Variants in ATRIP observed in about 807,000 individuals in gnomAD.
ATRIP encodes the protein ATR interacting protein, also known as ATR-interacting protein.
A neutral mutation model predicts 78.1 loss-of-function variants in ATRIP; 44 were observed. That is an observed-to-expected ratio of 0.56 (90% confidence interval 0.44 to 0.72). The LOEUF (loss-of-function observed/expected upper bound fraction) is 0.72, where lower values mean the gene tolerates loss of function less well. Among genes scored for constraint, ATRIP ranks in the 30% least tolerant of loss-of-function variants. ATRIP has a pLI of 0.00. For missense variants in ATRIP, 927 were observed against 980.2 expected, an observed-to-expected ratio of 0.95 and a Z score of 0.72; for synonymous variants, 388 against 408.9, an observed-to-expected ratio of 0.95 and a Z score of 0.62.
intron 7 of ATRIP, 90 bp downstream of exon 7, chr3:48,460,006 G>A: frequency 6.4e-7 from 1 of 1,556,934 alleles, no homozygotes; most frequent in Non-Finnish European, 8.7e-7. Flanking sequence ...AGAAGTCTGT[G>A]GGAAGGGCAG....
rs781221615 is a variant in ATRIP at position 48,467,243 on chromosome 3, G to A, written c.*1689G>A. 2.9e-5 allele frequency: 46 copies of A among 1,613,998 alleles called. 1 individual carries two copies. The South Asian group carries it at 3.8e-4, about 13-fold the overall frequency. On this transcript the variant is annotated 3_prime_UTR_variant, in exon 13 of 13. Transcript: ENST00000320211. ...GGCAGTCCCCTCCAGACTCGCACAC[G>A]GCTGAGGGTGATGTCCTGGCCCTGC... is the stretch of plus-strand genomic sequence containing the variant.
At chr3:48,463,696 G>A (rs1351800176) in intron 8 of ATRIP, 49 bp from the exon 9 acceptor site, 1 of 1,609,598 alleles carries the variant, frequency 6.2e-7, no homozygotes, top group Admixed American at 1.7e-5. Context: ...GGTAGGTTAT[G>A]GAGCTGGGGT....
In ATRIP at chr3:48,447,103, C is replaced by T. The variant is rs1263435015; in HGVS notation, c.247+11C>T. ...CTCGGGACGTGTCCAGTGAGTGCTC[C>T]TCGCGGCCTTTTGCTCGGAGGGAGT... On this transcript the variant is annotated intron_variant, in intron 1 of 12. Coordinates refer to ENST00000320211, the MANE Select transcript of ATRIP (RefSeq NM_130384.3). 2.0e-6 allele frequency: 3 copies of T among 1,508,778 alleles called. No homozygotes were observed. Among genetic ancestry groups the T allele is most frequent in the Middle Eastern group, 1.7e-4 (1 of 5,738 alleles). The allele number at this position is 1,508,778 out of a possible 1,614,324, so 93.5% of individuals were successfully genotyped here.
chr3:48,452,794 TAACCAAAAGC>T (rs1206095714), intron 3 of ATRIP, among the ~76,000 whole-genome samples: 4 of 151,884 alleles, frequency 2.6e-5, no homozygotes, highest in East Asian at 1.9e-4. Context: ...CCAATTGCTA[TAACCAAAAGC>T]AACCAAAAGC....
chr3:48,459,871 C>T lies in ATRIP; in HGVS notation c.1010C>T (p.Ser337Phe). The change falls in exon 7 of 13, where the codon TCT becomes TTT. Residue 337 changes from serine to phenylalanine, a missense_variant. By Grantham distance (155) the Ser-to-Phe change is radical. Transcript: ENST00000320211. ...LSLCHLLSSS[S>F]ESPAGTPLQP... is the part of the protein sequence containing the mutation. The stretch of plus-strand genomic sequence containing the variant: ...CTTTGCCACCTCCTGAGTAGTAGTT[C>T]TGAGTCTCCTGCTGGCACCCCCCTG... 1 of 1,614,064 alleles carries T rather than the reference C, an allele frequency of 6.2e-7. No homozygotes were observed. The highest frequency in any genetic ancestry group is 8.5e-7 in the Non-Finnish European group (1 of 1,179,952).
rs753753009 is a variant in ATRIP, at chr3:48,459,891, C to G, written c.1030C>G (p.Pro344Ala). The G allele has an allele frequency of 6.2e-7, 1 of 1,613,498 alleles. No individual in the cohort carries two copies. Among genetic ancestry groups the G allele is most frequent in the Non-Finnish European group, 8.5e-7 (1 of 1,179,780 alleles). The change falls in exon 7 of 13, where the codon CCC becomes GCC. Residue 344 changes from proline (P) to alanine (A), a missense_variant. By Grantham distance (27) the Pro-to-Ala change is conservative. Coordinates refer to ENST00000320211, the MANE Select transcript of ATRIP (RefSeq NM_130384.3). ...TAGTTCTGAGTCTCCTGCTGGCACC[C>G]CCCTGCAGCCACCAGGGTTTGGCAG... is the stretch of plus-strand genomic sequence containing the variant. ...SSSSESPAGT[P>A]LQPPGFGSTL...
intron 1 of ATRIP, among the ~76,000 whole-genome samples, chr3:48,447,721 A>G (rs965239238): frequency 1.3e-5 from 2 of 152,168 alleles, no homozygotes; most frequent in African/African-American, 2.4e-5. Flanking sequence ...TTGCATCTGT[A>G]CTTGGGTGTC....
In ATRIP at chr3:48,467,605, A is replaced by C; in HGVS notation, c.*2051A>C. The stretch of plus-strand genomic sequence containing the variant: ...CTGGCCACACCTGGGGAGTAGGCCA[A>C]GAAGGAAAATCTGACGAATAAAGAC... On this transcript the variant is annotated 3_prime_UTR_variant, in exon 13 of 13. Transcript: ENST00000320211. 6.2e-7 allele frequency: 1 copy of C among 1,609,352 alleles called. No individual in the cohort carries two copies. Among genetic ancestry groups the C allele is most frequent in the East Asian group, 2.2e-5 (1 of 44,798 alleles).
chr3:48,465,434 C>A lies in ATRIP; in HGVS notation c.2309-53C>A, dbSNP rs527457931. On this transcript the variant is annotated intron_variant, in intron 12 of 12. Coordinates refer to ENST00000320211, the MANE Select transcript of ATRIP (RefSeq NM_130384.3). ...TGGGGGAGGAGAGGTGGGACCTGCC[C>A]TAGGCCCTGGCACCTTTGGGCCCTC... The A allele has an allele frequency of 7.0e-6, 11 of 1,563,242 alleles. No homozygotes were observed. The East Asian group carries it at 2.3e-4, about 33-fold the overall frequency.
In ATRIP at chr3:48,464,110, A is replaced by G. The variant is rs1410796240; in HGVS notation, c.1952A>G (p.Gln651Arg). 5.0e-6 allele frequency: 8 copies of G among 1,613,646 alleles called. No individual in the cohort carries two copies. Among genetic ancestry groups the G allele is most frequent in the East Asian group, 4.5e-5 (2 of 44,884 alleles). Residue 651 changes from glutamine to arginine, a missense_variant, in exon 10 of 13, where the codon CAA becomes CGA. Coordinates refer to ENST00000320211, the MANE Select transcript of ATRIP (RefSeq NM_130384.3). ...SRPDRVALET[Q>R]WLQLEQEVVW... ...CCTGACAGAGTGGCCTTGGAGACAC[A>G]ATGGCTCCAGCTGGAACAAGAGGTA...
intron 3 of ATRIP, among the ~76,000 whole-genome samples, chr3:48,452,679 A>G (rs930443425): frequency 2.0e-5 from 3 of 151,978 alleles, no homozygotes; most frequent in Non-Finnish European, 4.4e-5. Context: ...TGGGCAATAG[A>G]GCGAGACCCT....
rs1186960778 is a variant in ATRIP, at chr3:48,460,208, G to T, written c.1154G>T (p.Gly385Val). Residue 385 changes from glycine to valine, a missense_variant, in exon 8 of 13, where the codon GGA becomes GTA. Transcript: ENST00000320211. ...LREAQNLAFTGLNLVARNECS... is the reference protein window; with the variant it reads ...LREAQNLAFTVLNLVARNECS... ...GAAGCACAGAACCTGGCATTCACTG[G>T]ACTGAATCTGGTTGCCCGGAATGAG... 1 of 1,614,014 alleles carries T rather than the reference G, an allele frequency of 6.2e-7. No homozygotes were observed. Among genetic ancestry groups the T allele is most frequent in the African/African-American group, 1.3e-5 (1 of 75,046 alleles).
At chr3:48,465,377 T>C in intron 12 of ATRIP, 110 bp from the exon 13 acceptor site, 1 of 1,088,718 alleles carries the variant, frequency 9.2e-7, no homozygotes, top group Non-Finnish European at 1.4e-6. Flanking sequence ...AGGGCCTGGG[T>C]GTGGAAGGGA....
intron 5 of ATRIP, 22 bp from the exon 6 acceptor site, chr3:48,459,337 T>C: frequency 6.2e-7 from 1 of 1,602,898 alleles, no homozygotes; most frequent in Non-Finnish European, 8.5e-7. Context: ...CAAGTTTTGA[T>C]TTACATTTTA....
At chr3:48,464,539 G>C (rs372902848) in intron 10 of ATRIP, 43 bp from the exon 11 acceptor site, 49 of 1,591,672 alleles carry the variant, frequency 3.1e-5, no homozygotes, top group Middle Eastern at 1.7e-4. Flanking sequence ...GCAGGGACTG[G>C]TCTCCTTCTG....
chr3:48,450,164 A>G lies in ATRIP; in HGVS notation c.375A>G (p.Lys125=), dbSNP rs775500131. Reference sequence around the variant, plus strand: ...TTCAGGCACAATACAAAGAACTTAAAGAAAAGGTAAGTGACTTAACTTGTG... The same window carrying G: ...TTCAGGCACAATACAAAGAACTTAAGGAAAAGGTAAGTGACTTAACTTGTG... ...EVLQAQYKEL[K]EKMKVMEEEV... is the part of the protein sequence containing the mutation. Residue 125 remains lysine (K), a synonymous_variant, in exon 2 of 13, where the codon AAA becomes AAG. Transcript: ENST00000320211. 2.5e-6 allele frequency: 4 copies of G among 1,607,638 alleles called. No homozygotes were observed. In the Admixed American group the frequency reaches 5.1e-5, roughly 21 times the overall value.
In ATRIP at chr3:48,459,473, C is replaced by G; in HGVS notation, c.925+19C>G. 1 of 1,596,732 alleles carries G rather than the reference C, an allele frequency of 6.3e-7. No individual in the cohort carries two copies. Among genetic ancestry groups the G allele is most frequent in the Non-Finnish European group, 8.6e-7 (1 of 1,164,360 alleles). Reference sequence around the variant, plus strand: ...ACTCAAGGTACCAGAATCCCTGCTTCTCCTGCAGGGGCCTGCATGGCTCTG... The same window carrying G: ...ACTCAAGGTACCAGAATCCCTGCTTGTCCTGCAGGGGCCTGCATGGCTCTG... On this transcript the variant is annotated intron_variant, in intron 6 of 12. Coordinates refer to ENST00000320211, the MANE Select transcript of ATRIP (RefSeq NM_130384.3).
At chr3:48,462,070 G>A (rs2040132307) in intron 8 of ATRIP, among the ~76,000 whole-genome samples, 2 of 152,076 alleles carry the variant, frequency 1.3e-5, no homozygotes, top group Admixed American at 6.5e-5. Flanking sequence ...GCTCCTGCCT[G>A]TAATCTCAGC....
rs1000190732 is a variant in ATRIP at position 48,447,040 on chromosome 3, C to A, written c.195C>A (p.Thr65=). The stretch of plus-strand genomic sequence containing the variant: ...CCGACGACCTGGAGGAGCTTGACAC[C>A]CTCGCGTCACAGGCCCTGAGCCAAT... The part of the protein sequence containing the change: ...FTADDLEELD[T]LASQALSQCP... The change falls in exon 1 of 13, where the codon ACC becomes ACA. Residue 65 remains threonine, a synonymous_variant. Transcript: ENST00000320211. 6.3e-7 allele frequency: 1 copy of A among 1,578,448 alleles called. No homozygotes were observed. Among genetic ancestry groups the A allele is most frequent in the Non-Finnish European group, 8.6e-7 (1 of 1,164,968 alleles).
Sources: allele counts gnomAD v4.1 joint callset (sites outside exome capture counted in the v4.1 genomes callset), GRCh38; gene constraint gnomAD v4.1.1; transcripts MANE v1.5; gene names NCBI Gene and HGNC (gene_info 2026-07-23, HGNC 2026-07-21).